Variants in TBC1D5 observed in about 807,000 individuals in gnomAD.
The protein encoded by TBC1D5 is TBC1 domain family, member 5.
In TBC1D5, 75 loss-of-function variants were observed where a neutral mutation model predicts 100.3. That is an observed-to-expected ratio of 0.75 (90% CI 0.62 to 0.91). TBC1D5 has a LOEUF of 0.91. Among genes scored for constraint, TBC1D5 ranks in the 40% least tolerant of loss-of-function variants. The pLI is 0.00. For missense variants in TBC1D5, 910 were observed against 942.4 expected, an observed-to-expected ratio of 0.97 and a Z score of 0.45; for synonymous variants, 323 against 325.6, an observed-to-expected ratio of 0.99 and a Z score of 0.09.
intron 15 of TBC1D5, among the ~76,000 whole-genome samples, chr3:17,274,156 A>T (rs960467040): frequency 1.3e-5 from 2 of 152,198 alleles, no homozygotes; most frequent in Non-Finnish European, 2.9e-5. Context: ...AATTTAAAAA[A>T]CATATACATA....
chr3:17,583,906 G>A (rs550154448), intron 2 of TBC1D5, among the ~76,000 whole-genome samples: 14 of 152,260 alleles, frequency 9.2e-5, no homozygotes, highest in Admixed American at 5.9e-4. Context: ...TCATGTACAC[G>A]CGTTTAGAGC....
intron 2 of TBC1D5, among the ~76,000 whole-genome samples, chr3:17,587,948 T>C (rs1241984506): frequency 1.3e-5 from 2 of 152,034 alleles, no homozygotes; most frequent in Non-Finnish European, 2.9e-5. Flanking sequence ...AACATACGTG[T>C]ATTTGATGAA....
chr3:17,704,861 G>A (rs2073814365), intron 1 of TBC1D5, among the ~76,000 whole-genome samples: 1 of 110,034 alleles, frequency 9.1e-6, no homozygotes, highest in African/African-American at 3.7e-5. Context: ...CAGGGCGGCT[G>A]GCCGGGCGGG....
intron 1 of TBC1D5, among the ~76,000 whole-genome samples, chr3:17,675,536 T>TA (rs1437859456): frequency 1.3e-5 from 2 of 152,156 alleles, no homozygotes; most frequent in African/African-American, 4.8e-5. Flanking sequence ...GTCTTGTATG[T>TA]ACTCAATACC....
chr3:17,526,451 C>A (rs1249816222), intron 2 of TBC1D5, among the ~76,000 whole-genome samples: 1 of 152,118 alleles, frequency 6.6e-6, no homozygotes, highest in South Asian at 2.1e-4. Context: ...AACTCCTGGC[C>A]TCAAACAATC....
At chr3:17,642,728 C>A (rs1032125281) in intron 1 of TBC1D5, among the ~76,000 whole-genome samples, 8 of 151,984 alleles carry the variant, frequency 5.3e-5, no homozygotes, top group African/African-American at 1.9e-4. Context: ...AAGATAAAAC[C>A]CAAGACATTT....
At chr3:17,425,595 C>T (rs1441649850) in intron 4 of TBC1D5, among the ~76,000 whole-genome samples, 3 of 152,140 alleles carry the variant, frequency 2.0e-5, no homozygotes, top group East Asian at 3.9e-4. Context: ...TGCCACTGTA[C>T]GCCAGCCTGG....
intron 1 of TBC1D5, among the ~76,000 whole-genome samples, chr3:17,681,909 T>C (rs2069529605): frequency 6.6e-6 from 1 of 151,540 alleles, no homozygotes; most frequent in South Asian, 2.1e-4. Flanking sequence ...TCAGCAGCAT[T>C]AGATTCTCAT....
At chr3:17,647,543 A>C (rs2065124383) in intron 1 of TBC1D5, among the ~76,000 whole-genome samples, 1 of 152,024 alleles carries the variant, frequency 6.6e-6, no homozygotes, top group Non-Finnish European at 1.5e-5. Flanking sequence ...TGGATAACTG[A>C]GGGAAGGGTT....
intron 13 of TBC1D5, among the ~76,000 whole-genome samples, chr3:17,356,579 G>T (rs987361419): frequency 6.6e-6 from 1 of 151,980 alleles, no homozygotes; most frequent in Non-Finnish European, 1.5e-5. Context: ...TAATGAATTC[G>T]GATAAAAAGC....
chr3:17,474,804 A>T (rs1021480176), intron 3 of TBC1D5, among the ~76,000 whole-genome samples: 1 of 152,120 alleles, frequency 6.6e-6, no homozygotes, highest in Non-Finnish European at 1.5e-5. Flanking sequence ...TATGATATAC[A>T]TTGCCAAATG....
chr3:17,592,904 T>G (rs2060323088), intron 2 of TBC1D5, among the ~76,000 whole-genome samples: 1 of 152,164 alleles, frequency 6.6e-6, no homozygotes, highest in Non-Finnish European at 1.5e-5. Flanking sequence ...AACTGAATGT[T>G]TGACTATGGG....
chr3:17,253,800 T>C (rs1051728440), intron 16 of TBC1D5, among the ~76,000 whole-genome samples: 7 of 152,368 alleles, frequency 4.6e-5, no homozygotes, highest in African/African-American at 1.7e-4. Context: ...ATGTATGTTA[T>C]TGCATATATC....
intron 3 of TBC1D5, among the ~76,000 whole-genome samples, chr3:17,448,804 A>G (rs1032562677): frequency 2.6e-5 from 4 of 152,208 alleles, no homozygotes; most frequent in African/African-American, 9.7e-5. Flanking sequence ...TAAGGGCCCT[A>G]GGATCCTCAA....
At chr3:17,726,946 T>C (rs1056132497) in intron 1 of TBC1D5, among the ~76,000 whole-genome samples, 1 of 152,212 alleles carries the variant, frequency 6.6e-6, no homozygotes, top group Non-Finnish European at 1.5e-5. Flanking sequence ...GAATAGAATC[T>C]TACCAAATCT....
chr3:17,483,728 G>A (rs945336973), intron 3 of TBC1D5, among the ~76,000 whole-genome samples: 2 of 152,082 alleles, frequency 1.3e-5, no homozygotes, highest in African/African-American at 2.4e-5. Flanking sequence ...GCATTTTTGG[G>A]TGAAATTTAA....
At chr3:17,739,682 A>G (rs1480093709) in exon 1 of TBC1D5, 1 of 152,248 alleles carries the variant, frequency 6.6e-6, no homozygotes, top group Non-Finnish European at 1.5e-5. Flanking sequence ...GGCGGATGAC[A>G]AATTTGACTT....
intron 1 of TBC1D5, among the ~76,000 whole-genome samples, chr3:17,670,429 T>C (rs1292564711): frequency 6.6e-6 from 1 of 152,260 alleles, no homozygotes; most frequent in African/African-American, 2.4e-5. Flanking sequence ...CAGTCTAGGC[T>C]GTGCTTTCTT....
chr3:17,432,913 C>G (rs1278093423), intron 3 of TBC1D5, among the ~76,000 whole-genome samples: 1 of 152,158 alleles, frequency 6.6e-6, no homozygotes, highest in East Asian at 1.9e-4. Context: ...CAAAAAGTAA[C>G]TTTTAGGACT....
Sources: allele counts gnomAD v4.1 joint callset (sites outside exome capture counted in the v4.1 genomes callset), GRCh38; gene constraint gnomAD v4.1.1; transcripts MANE v1.5; gene names NCBI Gene and HGNC (gene_info 2026-07-23, HGNC 2026-07-21).